ARHGAP26: variants seen among roughly 807,000 people sequenced by gnomAD.
ARHGAP26 encodes the protein Rho GTPase activating protein 26.
Under a neutral mutation model 104.8 loss-of-function variants are expected in ARHGAP26, and 38 were observed. That is an observed-to-expected ratio of 0.36 (90% CI 0.28 to 0.48). The LOEUF (loss-of-function observed/expected upper bound fraction) is 0.48. ARHGAP26 is among the 20% of genes least tolerant of loss of function. ARHGAP26 has a pLI of 0.99. For missense variants in ARHGAP26, 704 were observed against 947.9 expected (o/e 0.74, Z 3.38); for synonymous variants, 341 against 340.0 (o/e 1.00, Z -0.03).
At chr5:142,995,584 C>T (rs999005942) in intron 11 of ARHGAP26, among the ~76,000 whole-genome samples, 4 of 152,134 alleles carry the variant, frequency 2.6e-5, no homozygotes, top group South Asian at 2.1e-4. Context: ...TTAGTTCAAC[C>T]GTTGTGGAAG....
rs919436406 is a variant in ARHGAP26, at chr5:143,162,395, G to A, written c.1988+15014G>A. Among the ~76,000 whole-genome samples, 4 of 152,184 alleles carry A rather than the reference G, an allele frequency of 2.6e-5. No individual in the cohort carries two copies. In the Middle Eastern group the frequency reaches 0.01, roughly 388 times the overall value. On this transcript the variant is annotated intron_variant, in intron 20 of 22. Coordinates refer to ENST00000645722, the MANE Select transcript of ARHGAP26 (RefSeq NM_001135608.3). ...ATATGTCCTTAGTCATCCCATGACAGCACTTAAAATGTTCAGTTGTCACAG... is the reference window on the plus strand; with the variant it reads ...ATATGTCCTTAGTCATCCCATGACAACACTTAAAATGTTCAGTTGTCACAG...
chr5:142,927,177 A>T (rs1245448651), intron 10 of ARHGAP26, among the ~76,000 whole-genome samples: 1 of 152,170 alleles, frequency 6.6e-6, no homozygotes, highest in African/African-American at 2.4e-5. Flanking sequence ...ACTGAGGTGT[A>T]ATCACAGTAA....
At chr5:143,014,815 A>G (rs245852) in intron 12 of ARHGAP26, among the ~76,000 whole-genome samples, 26,669 of 152,150 alleles carry the variant, frequency 0.18, 2,950 homozygotes, top group East Asian at 0.48. Flanking sequence ...TATAGGAGAA[A>G]AAACAAAATC....
intron 8 of ARHGAP26, 103 bp from the exon 9 acceptor site, chr5:142,907,601 G>T (rs889693410): frequency 1.6e-5 from 10 of 607,454 alleles, no homozygotes; most frequent in Non-Finnish European, 2.9e-5. Context: ...TTTAAGGGTA[G>T]GGTAGATGAG....
chr5:143,227,042 CAGAA>C lies in ARHGAP26; in HGVS notation c.*4601_*4604del, dbSNP rs1811731858. On this transcript the variant is annotated 3_prime_UTR_variant, in exon 23 of 23. Transcript: ENST00000645722. ...CATTCACAGTTGAGGGGGAGAAAGA[CAGAA>C]AGAAGAAGCCAAAGATAACCTGATC... 8.7e-6 allele frequency: 2 copies of C among 230,024 alleles called. No individual in the cohort carries two copies. Among genetic ancestry groups the C allele is most frequent in the South Asian group, 1.8e-4 (1 of 5,492 alleles). 14.2% of individuals were successfully genotyped at this position (230,024 alleles called of 1,614,324 possible). A position where few individuals can be genotyped will look rare whatever the true frequency, so the allele number is the denominator to read the frequency against.
intron 11 of ARHGAP26, among the ~76,000 whole-genome samples, chr5:142,933,674 T>G (rs956473661): frequency 2.0e-5 from 3 of 152,166 alleles, no homozygotes; most frequent in African/African-American, 7.2e-5. Context: ...CACATGTCAC[T>G]TCCATTGGCT....
At chr5:143,110,740 T>G (rs1274520314) in intron 17 of ARHGAP26, among the ~76,000 whole-genome samples, 2 of 152,318 alleles carry the variant, frequency 1.3e-5, no homozygotes, top group East Asian at 3.9e-4. Flanking sequence ...TAATTTAAAA[T>G]AGTTAAGTAA....
intron 1 of ARHGAP26, among the ~76,000 whole-genome samples, chr5:142,836,450 A>T (rs888534372): frequency 4.7e-5 from 7 of 150,160 alleles, no homozygotes; most frequent in African/African-American, 1.2e-4. Context: ...GGCTAATTAG[A>T]CCACCTATGC....
intron 20 of ARHGAP26, among the ~76,000 whole-genome samples, chr5:143,196,155 AATT>A (rs1291034950): frequency 1.3e-5 from 2 of 151,936 alleles, no homozygotes; most frequent in Non-Finnish European, 2.9e-5. Flanking sequence ...AATAATACTA[AATT>A]ATTATTTAGT....
chr5:142,907,517 C>A (rs1447118280), intron 8 of ARHGAP26, 187 bp from the exon 9 acceptor site: 3 of 341,734 alleles, frequency 8.8e-6, no homozygotes, highest in African/African-American at 6.4e-5. Context: ...GGGTTGGTTT[C>A]ATTTGAGCCT....
At chr5:142,951,853 C>T (rs1598368564) in intron 11 of ARHGAP26, among the ~76,000 whole-genome samples, 1 of 152,346 alleles carries the variant, frequency 6.6e-6, no homozygotes, top group Middle Eastern at 3.4e-3. Flanking sequence ...GTTACCATCA[C>T]AACTTCCACC....
chr5:143,156,066 C>G (rs1212310684), intron 20 of ARHGAP26, among the ~76,000 whole-genome samples: 1 of 152,072 alleles, frequency 6.6e-6, no homozygotes, highest in Non-Finnish European at 1.5e-5. Context: ...CATTGTTATG[C>G]CTGTGAGGGA....
intron 15 of ARHGAP26, 119 bp downstream of exon 15, chr5:143,054,645 G>C: frequency 1.5e-6 from 1 of 666,804 alleles, no homozygotes; most frequent in East Asian, 2.6e-5. Context: ...TGTGGAAACA[G>C]CTTCTGTGTG....
chr5:143,008,588 A>G (rs1348367400), intron 11 of ARHGAP26, among the ~76,000 whole-genome samples: 1 of 152,250 alleles, frequency 6.6e-6, no homozygotes, highest in African/African-American at 2.4e-5. Context: ...AAGATGGTGC[A>G]GTTTAGAGAG....
intron 14 of ARHGAP26, among the ~76,000 whole-genome samples, chr5:143,051,055 A>G (rs924574713): frequency 2.0e-5 from 3 of 152,150 alleles, no homozygotes; most frequent in East Asian, 1.9e-4. Context: ...CTTTTCATGT[A>G]TATCTGTTTT....
intron 11 of ARHGAP26, among the ~76,000 whole-genome samples, chr5:142,940,735 T>C (rs539033166): frequency 1.3e-5 from 2 of 152,224 alleles, no homozygotes; most frequent in South Asian, 4.1e-4. Flanking sequence ...ATGCCTTTGC[T>C]ATTGTGAATA....
chr5:143,059,362 AC>A (rs1490198876), intron 17 of ARHGAP26, among the ~76,000 whole-genome samples: 13 of 152,172 alleles, frequency 8.5e-5, no homozygotes, highest in Admixed American at 7.9e-4. Context: ...ACTGAGAGAG[AC>A]CAAAAGTGAA....
chr5:142,985,432 C>CA (rs902420366), intron 11 of ARHGAP26, among the ~76,000 whole-genome samples: 4 of 152,112 alleles, frequency 2.6e-5, no homozygotes, highest in Non-Finnish European at 5.9e-5. Flanking sequence ...ACTAATCACT[C>CA]ATTGACTCTC....
chr5:143,210,535 A>G (rs939931703), intron 21 of ARHGAP26, among the ~76,000 whole-genome samples: 1 of 152,176 alleles, frequency 6.6e-6, no homozygotes, highest in African/African-American at 2.4e-5. Flanking sequence ...CACAGTAGAG[A>G]AAGGGTGCTG....
Sources: gnomAD v4.1 joint callset for allele counts (sites outside exome capture counted in the v4.1 genomes callset) on GRCh38, gnomAD v4.1.1 for gene constraint, MANE v1.5 for transcripts, NCBI Gene and HGNC (gene_info 2026-07-23, HGNC 2026-07-21) for gene names.